Variants in ULK1 observed in about 807,000 individuals in gnomAD.
ULK1 encodes serine/threonine-protein kinase ULK1.
ULK1 carries 48 observed loss-of-function variants against 117.5 expected under a neutral mutation model. The ratio of observed to expected loss-of-function variants is 0.41; its 90% confidence interval spans 0.32 to 0.52. The LOEUF (loss-of-function observed/expected upper bound fraction) is 0.52, where lower values mean the gene tolerates loss of function less well. Among genes scored for constraint, ULK1 ranks in the 20% least tolerant of loss-of-function variants. ULK1 has a pLI of 0.29. For synonymous variants in ULK1, 790 were observed against 637.8 expected, an observed-to-expected ratio of 1.24 and a Z score of -3.60; for missense variants, 1,387 against 1,473.4, an observed-to-expected ratio of 0.94 and a Z score of 0.96.
Position 131,918,611 on chromosome 12 carries a change from C to A in ULK1, c.2441C>A (p.Pro814His). 6.2e-7 allele frequency: 1 copy of A among 1,610,748 alleles called. No homozygotes were observed. Among genetic ancestry groups the A allele is most frequent in the Non-Finnish European group, 8.5e-7 (1 of 1,178,918 alleles). ...GGACACGGCTGCAGCTTTGCCGACC[C>A]CATTACTGCGAACCTGGAGGGGGCT... ...APGHGCSFAD[P>H]ITANLEGAVT... Residue 814 changes from proline to histidine, a missense_variant, in exon 23 of 28, where the codon CCC becomes CAC. Around this residue, in one of 4 missense-constraint regions of ULK1, gnomAD observed 900 missense variants for 858.9 expected, o/e 1.05. Coordinates refer to ENST00000321867, the MANE Select transcript of ULK1 (RefSeq NM_003565.4).
rs1178278391 is a variant in ULK1 at position 131,921,729 on chromosome 12, G to C, written c.*368G>C. 1.2e-5 allele frequency: 7 copies of C among 597,186 alleles called. No homozygotes were observed. Among genetic ancestry groups the C allele is most frequent in the South Asian group, 1.1e-4 (7 of 64,806 alleles). The allele number at this position is 597,186 out of a possible 1,614,324, so 37.0% of individuals were successfully genotyped here. On this transcript the variant is annotated 3_prime_UTR_variant, in exon 28 of 28. Coordinates refer to ENST00000321867, the MANE Select transcript of ULK1 (RefSeq NM_003565.4). ...AAGCCAAAGCGAGCTCCTGCTTAGG[G>C]AAGGTCAGCAGGCACTGTGCCCAGG...
chr12:131,917,559 G>T lies in ULK1; in HGVS notation c.2326+5G>T, dbSNP rs960440763. ...CCCGCACCAGGATGTTCTCAGGTGA[G>T]GGCTGGCTAGGCTGAAGCCCTGTCC... On this transcript the variant is annotated splice_donor_5th_base_variant and intron_variant, in intron 22 of 27. Transcript: ENST00000321867. The T allele has an allele frequency of 7.1e-7, 1 of 1,417,542 alleles. No individual in the cohort carries two copies. Among genetic ancestry groups the T allele is most frequent in the Admixed American group, 2.7e-5 (1 of 36,812 alleles). The allele number at this position is 1,417,542 out of a possible 1,614,324, so 87.8% of individuals were successfully genotyped here.
At chr12:131,895,968 C>T in intron 3 of ULK1, 144 bp downstream of exon 3, 2 of 1,056,816 alleles carry the variant, frequency 1.9e-6, no homozygotes, top group South Asian at 2.7e-5. Flanking sequence ...GGGTCCAGGC[C>T]TGGGCTGGTG....
chr12:131,898,030 GCTT>G (rs530315776), intron 3 of ULK1: 89 of 152,362 alleles, frequency 5.8e-4, no homozygotes, highest in African/African-American at 2.1e-3. Context: ...TGCACACACA[GCTT>G]CTTTAGTTTG....
intron 13 of ULK1, among the ~76,000 whole-genome samples, chr12:131,912,342 C>T (rs775010486): frequency 7.2e-5 from 11 of 152,220 alleles, no homozygotes; most frequent in Non-Finnish European, 1.5e-4. Flanking sequence ...TTAGACAGTG[C>T]TGCTCTTCGG....
chr12:131,920,336 G>A (rs544028236), intron 26 of ULK1, 200 bp downstream of exon 26: 32 of 646,810 alleles, frequency 4.9e-5, no homozygotes, highest in African/African-American at 1.5e-4. Flanking sequence ...TTGATTGTAC[G>A]GGTGCCGTGG....
rs143997642 is a variant in ULK1 at position 131,921,522 on chromosome 12, C to T, written c.*161C>T. 4.3e-4 allele frequency: 452 copies of T among 1,040,096 alleles called. No individual in the cohort carries two copies. Among genetic ancestry groups the T allele is most frequent in the Middle Eastern group, 4.1e-3 (13 of 3,188 alleles). The allele number at this position is 1,040,096 out of a possible 1,614,324, so 64.4% of individuals were successfully genotyped here. ...AGCCTGCCGGCCTCCCTGCAGCTCA[C>T]GGGGCAGAACCAGCACATCTGGAGC... On this transcript the variant is annotated 3_prime_UTR_variant, in exon 28 of 28. Transcript: ENST00000321867.
At chr12:131,895,472 C>T (rs1014301282) in intron 1 of ULK1, 129 bp from the exon 2 acceptor site, 4 of 755,354 alleles carry the variant, frequency 5.3e-6, no homozygotes, top group Non-Finnish European at 8.6e-6. Flanking sequence ...CAACCTGGCT[C>T]CCCACTCGGC....
Position 131,922,013 on chromosome 12 carries a change from CG to C in ULK1, c.*658del. ...TGGACCTCAGCGGGAGAACTGGCTC[CG>C]GGGGGAGTGGGGCCCTGCGCTAGAG... On this transcript the variant is annotated 3_prime_UTR_variant, in exon 28 of 28. Transcript: ENST00000321867. 4.4e-6 allele frequency: 2 copies of C among 454,730 alleles called. No homozygotes were observed. Among genetic ancestry groups the C allele is most frequent in the Admixed American group, 2.4e-5 (1 of 42,540 alleles). The allele number at this position is 454,730 out of a possible 1,614,324, so 28.2% of individuals were successfully genotyped here.
At chr12:131,917,877 G>A (rs1889935185) in intron 22 of ULK1, among the ~76,000 whole-genome samples, 1 of 152,236 alleles carries the variant, frequency 6.6e-6, no homozygotes, top group South Asian at 2.1e-4. Context: ...CGTGGGCTGT[G>A]CTGTGTTGGT....
At chr12:131,895,314 G>T (rs1260523319) in intron 1 of ULK1, among the ~76,000 whole-genome samples, 1 of 107,010 alleles carries the variant, frequency 9.3e-6, no homozygotes, top group East Asian at 3.1e-4. Context: ...CCCGAGATCC[G>T]CTGCCGGGCT....
rs758483500 is a variant in ULK1 at position 131,906,902 on chromosome 12, A to G, written c.257A>G (p.Asn86Ser). 1 of 1,614,104 alleles carries G rather than the reference A, an allele frequency of 6.2e-7. No individual in the cohort carries two copies. Among genetic ancestry groups the G allele is most frequent in the East Asian group, 2.2e-5 (1 of 44,872 alleles). ...TTTTCTGTCTTGCAGGAAATGGCTAATTCTGTCTACCTGGTTATGGAGGTG... is the reference window on the plus strand; with the variant it reads ...TTTTCTGTCTTGCAGGAAATGGCTAGTTCTGTCTACCTGGTTATGGAGGTG... ...VALYDFQEMA[N>S]SVYLVMEYCN... is the part of the protein sequence containing the mutation. Residue 86 changes from asparagine (N) to serine (S), a missense_variant, in exon 4 of 28, where the codon AAT (asparagine) becomes AGT (serine). Transcript: ENST00000321867.
chr12:131,901,505 G>A (rs556387506), intron 3 of ULK1, among the ~76,000 whole-genome samples: 73 of 152,260 alleles, frequency 4.8e-4, no homozygotes, highest in Non-Finnish European at 8.5e-4. Context: ...CCCTCCTATC[G>A]AGGGCACGTC....
At position 131,918,690 on chromosome 12, in the gene ULK1, T is replaced by G; in HGVS notation, c.2511+9T>G. 1 of 1,563,084 alleles carries G rather than the reference T, an allele frequency of 6.4e-7. No individual in the cohort carries two copies. The highest frequency in any genetic ancestry group is 1.8e-4 in the Middle Eastern group (1 of 5,514). On this transcript the variant is annotated intron_variant, in intron 23 of 27. Coordinates refer to ENST00000321867, the MANE Select transcript of ULK1 (RefSeq NM_003565.4). ...AGGAGACCCTCATGGAGGTGAGGGCTGGAGTGAGCAAAGGTTCCCATTCTG... is the reference window on the plus strand; with the variant it reads ...AGGAGACCCTCATGGAGGTGAGGGCGGGAGTGAGCAAAGGTTCCCATTCTG...
At chr12:131,917,662 C>A in intron 22 of ULK1, 108 bp downstream of exon 22, 2 of 1,141,886 alleles carry the variant, frequency 1.8e-6, no homozygotes, top group Non-Finnish European at 1.1e-6. Flanking sequence ...CCCCCAGAGC[C>A]CAGGGGTGCC....
intron 22 of ULK1, 28 bp from the exon 23 acceptor site, chr12:131,918,469 T>C (rs375604330): frequency 3.9e-5 from 63 of 1,599,138 alleles, no homozygotes; most frequent in Non-Finnish European, 5.2e-5. Flanking sequence ...CTGGTCCTGG[T>C]GTGCCCCTCA....
chr12:131,912,983 G>A (rs2136397514), intron 13 of ULK1, among the ~76,000 whole-genome samples: 1 of 152,300 alleles, frequency 6.6e-6, no homozygotes, highest in East Asian at 1.9e-4. Context: ...GCGGGGGCAG[G>A]TAGCGCTCTG....
At chr12:131,906,627 T>G in intron 3 of ULK1, 1 of 550,848 alleles carries the variant, frequency 1.8e-6, no homozygotes, top group Non-Finnish European at 3.3e-6. Context: ...TGCTAGGGGG[T>G]ATGTCCTCTG....
intron 11 of ULK1, 118 bp from the exon 12 acceptor site, chr12:131,910,593 GT>G (rs1889488191): frequency 1.3e-6 from 2 of 1,598,802 alleles, no homozygotes; most frequent in Non-Finnish European, 1.7e-6. Context: ...CTTCCTGCTG[GT>G]CGGGGTGTAG....
Sources: gnomAD v4.1 joint callset for allele counts (sites outside exome capture counted in the v4.1 genomes callset) on GRCh38, gnomAD v4.1.1 for gene constraint, gnomAD v4.1.1 regional missense constraint, MANE v1.5 for transcripts, NCBI Gene and HGNC (gene_info 2026-07-23, HGNC 2026-07-21) for gene names.